The following PMS1 variants were observed in gnomAD, a reference collection of about 807,000 sequenced individuals.
The protein encoded by PMS1 is PMS1 protein homolog 1.
Under a neutral mutation model 93.1 loss-of-function variants are expected in PMS1, and 79 were observed. That is an observed-to-expected ratio of 0.85 (90% confidence interval 0.71 to 1.02). The LOEUF (loss-of-function observed/expected upper bound fraction) is 1.02, where lower values mean the gene tolerates loss of function less well. PMS1 is among the 50% of genes least tolerant of loss of function. PMS1 has a pLI of 0.00. For synonymous variants in PMS1, 335 were observed against 363.4 expected (o/e 0.92, Z 0.89); for missense variants, 1,064 against 1,085.3 (o/e 0.98, Z 0.28).
At position 189,854,677 on chromosome 2, in the gene PMS1, A is replaced by G; in HGVS notation, c.1405A>G (p.Asn469Asp). ...ISSVKHTQSENGNKDHIDESG... is the reference protein window; with the variant it reads ...ISSVKHTQSEDGNKDHIDESG... ...TTCCGTTAAGCACACCCAGTCAGAAAATGGCAATAAAGACCATATAGATGA... is the reference window on the plus strand; with the variant it reads ...TTCCGTTAAGCACACCCAGTCAGAAGATGGCAATAAAGACCATATAGATGA... Residue 469 changes from asparagine to aspartate, a missense_variant, in exon 9 of 13, where the codon AAT becomes GAT. Transcript: ENST00000441310. 2 of 1,613,970 alleles carry G rather than the reference A, an allele frequency of 1.2e-6. No individual in the cohort carries two copies. Among genetic ancestry groups the G allele is most frequent in the Non-Finnish European group, 1.7e-6 (2 of 1,179,892 alleles).
intron 9 of PMS1, among the ~76,000 whole-genome samples, chr2:189,860,839 T>TAG (rs1553593112): frequency 9.7e-6 from 1 of 103,216 alleles, no homozygotes; most frequent in African/African-American, 4.9e-5. Flanking sequence ...TTTTTTTTTT[T>TAG]GAGGAGGAGG....
intron 3 of PMS1, among the ~76,000 whole-genome samples, 176 bp from the exon 4 acceptor site, chr2:189,805,476 C>G (rs945304899): frequency 1.3e-5 from 2 of 152,122 alleles, no homozygotes; most frequent in Non-Finnish European, 2.9e-5. Context: ...TACAAGCTGG[C>G]CTGTTGCTTA....
Position 189,873,480 on chromosome 2 carries a change from A to T in PMS1, c.2474-16A>T, listed in dbSNP as rs751521051. 1.3e-6 allele frequency: 2 copies of T among 1,550,246 alleles called. No homozygotes were observed. The highest frequency in any genetic ancestry group is 2.2e-5 in the South Asian group (2 of 89,254). On this transcript the variant is annotated splice_polypyrimidine_tract_variant and intron_variant, in intron 11 of 12. Transcript: ENST00000441310. ...AATATGAACTTAACTATGTGTTTTTATTTTTTTTCTTTCAGGAGTTTCAAT... is the reference window on the plus strand; with the variant it reads ...AATATGAACTTAACTATGTGTTTTTTTTTTTTTTCTTTCAGGAGTTTCAAT...
intron 5 of PMS1, among the ~76,000 whole-genome samples, chr2:189,831,155 T>A (rs1481279338): frequency 6.6e-6 from 1 of 152,240 alleles, no homozygotes; most frequent in Non-Finnish European, 1.5e-5. Flanking sequence ...AGAGCACATT[T>A]AGAGGCAGTG....
chr2:189,875,138 A>G (rs755396800), intron 12 of PMS1, among the ~76,000 whole-genome samples: 2 of 151,598 alleles, frequency 1.3e-5, no homozygotes, highest in Non-Finnish European at 2.9e-5. Context: ...GGGTGGATGT[A>G]AAAGTCAAGG....
intron 5 of PMS1, among the ~76,000 whole-genome samples, chr2:189,828,707 A>T (rs1412072596): frequency 6.6e-6 from 1 of 152,210 alleles, no homozygotes; most frequent in East Asian, 1.9e-4. Context: ...ATAAGCTCAC[A>T]ATGCATCTCT....
chr2:189,838,333 C>T (rs910888512), intron 5 of PMS1, among the ~76,000 whole-genome samples: 1 of 151,690 alleles, frequency 6.6e-6, no homozygotes, highest in Non-Finnish European at 1.5e-5. Flanking sequence ...TTACTTTTCC[C>T]TAGGGAAAAA....
intron 5 of PMS1, among the ~76,000 whole-genome samples, chr2:189,823,319 A>G (rs1374017551): frequency 6.6e-6 from 1 of 151,922 alleles, no homozygotes; most frequent in Non-Finnish European, 1.5e-5. Flanking sequence ...CATGTGCACA[A>G]TGTGCAAGTT....
intron 4 of PMS1, among the ~76,000 whole-genome samples, chr2:189,807,734 AAGT>A (rs1197766846): frequency 6.6e-6 from 1 of 152,210 alleles, no homozygotes; most frequent in African/African-American, 2.4e-5. Context: ...CTTATACCTT[AAGT>A]AAGTGAGACC....
In PMS1 at chr2:189,795,811, G is replaced by A. The variant is rs143265397; in HGVS notation, c.175G>A (p.Glu59Lys). The A allele has an allele frequency of 3.7e-3, 5,975 of 1,613,856 alleles. 18 individuals are homozygous for A. The highest frequency in any genetic ancestry group is 4.6e-3 in the Non-Finnish European group (5,425 of 1,179,746). The change falls in exon 3 of 13, where the codon GAG becomes AAG. Residue 59 changes from glutamate to lysine, a missense_variant. Physicochemically the swap from Glu to Lys is moderately conservative, Grantham distance 56. Coordinates refer to ENST00000441310, the MANE Select transcript of PMS1 (RefSeq NM_000534.5). ...TAAAATTGAGGTGCGAGATAACGGG[G>A]AGGGTATCAAGGCTGTTGATGCACC... is the stretch of plus-strand genomic sequence containing the variant. The part of the protein sequence containing the change: ...FDKIEVRDNG[E>K]GIKAVDAPVM...
chr2:189,805,810 G>GC (rs1553561450), intron 4 of PMS1, 56 bp downstream of exon 4: 1 of 1,592,742 alleles, frequency 6.3e-7, no homozygotes, highest in Non-Finnish European at 8.5e-7. Flanking sequence ...TTAATTGTTG[G>GC]TTTAAAAAAA....
At chr2:189,806,105 T>C (rs2050318646) in intron 4 of PMS1, 1 of 455,532 alleles carries the variant, frequency 2.2e-6, no homozygotes, top group African/African-American at 2.0e-5. Context: ...ATTGATTTGG[T>C]AATAGTGGAA....
At chr2:189,792,434 T>C (rs912932831) in intron 2 of PMS1, among the ~76,000 whole-genome samples, 1 of 152,014 alleles carries the variant, frequency 6.6e-6, no homozygotes, top group Non-Finnish European at 1.5e-5. Flanking sequence ...CATAGAGATA[T>C]GGTCTATTTT....
chr2:189,785,034 A>G (rs964370541), intron 1 of PMS1, among the ~76,000 whole-genome samples: 1 of 152,194 alleles, frequency 6.6e-6, no homozygotes, highest in Non-Finnish European at 1.5e-5. Context: ...CCTGTATTAC[A>G]TGCTAAGGAA....
At chr2:189,800,099 G>A (rs964716241) in intron 3 of PMS1, among the ~76,000 whole-genome samples, 3 of 152,174 alleles carry the variant, frequency 2.0e-5, no homozygotes, top group Non-Finnish European at 4.4e-5. Flanking sequence ...CATTGTCTAC[G>A]CATGCAGGGT....
At chr2:189,814,948 A>G (rs915838749) in intron 4 of PMS1, among the ~76,000 whole-genome samples, 1 of 152,000 alleles carries the variant, frequency 6.6e-6, no homozygotes, top group Non-Finnish European at 1.5e-5. Flanking sequence ...AAATACAAAA[A>G]ATTAGCCAGG....
At chr2:189,806,442 G>A (rs1021090638) in intron 4 of PMS1, 14 of 318,714 alleles carry the variant, frequency 4.4e-5, no homozygotes, top group African/African-American at 1.6e-4. Context: ...CTGTCACACA[G>A]GCTGGACTGC....
At chr2:189,868,363 T>C (rs932877224) in intron 11 of PMS1, among the ~76,000 whole-genome samples, 2 of 152,200 alleles carry the variant, frequency 1.3e-5, no homozygotes, top group Admixed American at 6.5e-5. Flanking sequence ...TTGTACTATA[T>C]GGAGAATGGA....
At chr2:189,823,541 CT>C (rs1271947183) in intron 5 of PMS1, among the ~76,000 whole-genome samples, 2 of 151,298 alleles carry the variant, frequency 1.3e-5, no homozygotes, top group African/African-American at 4.9e-5. Context: ...AAACTTGAAT[CT>C]TTTCTTGCAT....
Sources: gnomAD v4.1 joint callset for allele counts (sites outside exome capture counted in the v4.1 genomes callset) on GRCh38, gnomAD v4.1.1 for gene constraint, MANE v1.5 for transcripts, NCBI Gene and HGNC (gene_info 2026-07-23, HGNC 2026-07-21) for gene names.